Variants in NR6A1 observed in about 807,000 individuals in gnomAD.
NR6A1 encodes nuclear receptor subfamily 6 group A member 1, also known as retinoic acid receptor-related testis-associated receptor.
Under a neutral mutation model 59.1 loss-of-function variants are expected in NR6A1, and 7 were observed. The ratio of observed to expected loss-of-function variants is 0.12; its 90% confidence interval spans 0.07 to 0.22. The LOEUF is 0.22. Among genes scored for constraint, NR6A1 ranks in the 10% least tolerant of loss-of-function variants. The pLI is 1.00. For missense variants in NR6A1, 468 were observed against 611.6 expected (o/e 0.77, Z 2.48); for synonymous variants, 243 against 236.1 (o/e 1.03, Z -0.27).
At chr9:124,657,959 C>G (rs1201760863) in intron 2 of NR6A1, among the ~76,000 whole-genome samples, 1 of 152,122 alleles carries the variant, frequency 6.6e-6, no homozygotes, top group African/African-American at 2.4e-5. Flanking sequence ...TTTACCTTAT[C>G]AAACCTATAA....
chr9:124,670,257 T>C (rs1397500415), intron 2 of NR6A1, among the ~76,000 whole-genome samples: 3 of 150,520 alleles, frequency 2.0e-5, no homozygotes, highest in Middle Eastern at 3.5e-3. Context: ...CCAGCTGTGA[T>C]GGCACATGCC....
chr9:124,631,951 G>A (rs920189729), intron 2 of NR6A1, among the ~76,000 whole-genome samples: 2 of 152,126 alleles, frequency 1.3e-5, no homozygotes, highest in African/African-American at 4.8e-5. Context: ...AGTTTACTAA[G>A]GATAATGGCC....
At chr9:124,554,233 T>A (rs1833867267) in intron 3 of NR6A1, 95 bp downstream of exon 3, 1 of 1,569,200 alleles carries the variant, frequency 6.4e-7, no homozygotes, top group Middle Eastern at 2.1e-4. Context: ...GCCTGATATG[T>A]AGTGCAAGCT....
intron 2 of NR6A1, 103 bp from the exon 3 acceptor site, chr9:124,554,673 C>A: frequency 6.8e-7 from 1 of 1,479,366 alleles, no homozygotes; most frequent in Non-Finnish European, 9.2e-7. Context: ...ACCACTATCT[C>A]CAGGCTAAAG....
chr9:124,564,451 T>C (rs935001883), intron 2 of NR6A1, among the ~76,000 whole-genome samples: 67 of 152,182 alleles, frequency 4.4e-4, no homozygotes, highest in Non-Finnish European at 1.8e-4. Flanking sequence ...TTTTAAAAGA[T>C]GCCGTTTACA....
At chr9:124,588,560 G>A (rs561038000) in intron 2 of NR6A1, among the ~76,000 whole-genome samples, 3 of 149,598 alleles carry the variant, frequency 2.0e-5, no homozygotes, top group South Asian at 2.1e-4. Context: ...CACCCGCTTC[G>A]GCCTCCCAAG....
intron 2 of NR6A1, among the ~76,000 whole-genome samples, chr9:124,722,369 A>C (rs539282251): frequency 7.2e-5 from 11 of 152,316 alleles, no homozygotes; most frequent in African/African-American, 2.6e-4. Flanking sequence ...CTCTGCAGAC[A>C]TTTGGGCTTA....
intron 2 of NR6A1, among the ~76,000 whole-genome samples, chr9:124,686,672 G>A (rs184487313): frequency 6.6e-6 from 1 of 152,038 alleles, no homozygotes; most frequent in East Asian, 1.9e-4. Context: ...CTGCAACAAG[G>A]GGATGGAGAA....
chr9:124,525,117 C>T (rs542256843), intron 8 of NR6A1, among the ~76,000 whole-genome samples: 1 of 152,276 alleles, frequency 6.6e-6, no homozygotes, highest in African/African-American at 2.4e-5. Flanking sequence ...TAAGGCTTCT[C>T]TCAACTTCAT....
chr9:124,669,381 ATACT>A (rs1198410182), intron 2 of NR6A1, among the ~76,000 whole-genome samples: 4 of 152,248 alleles, frequency 2.6e-5, no homozygotes, highest in African/African-American at 9.6e-5. Flanking sequence ...TATTCAACAA[ATACT>A]TACTGAACAA....
chr9:124,539,072 AACGACAACAACAAAAAAAG>A (rs1235320629), intron 5 of NR6A1, among the ~76,000 whole-genome samples: 19 of 152,080 alleles, frequency 1.2e-4, no homozygotes, highest in Non-Finnish European at 2.6e-4. Context: ...TTTAATTAAC[AACGACAACAACAAAAAAAG>A]ACAGAGTCTT....
intron 2 of NR6A1, among the ~76,000 whole-genome samples, chr9:124,634,812 ACT>A (rs980976812): frequency 2.6e-5 from 4 of 151,898 alleles, no homozygotes; most frequent in African/African-American, 4.8e-5. Flanking sequence ...ACAGAGCAAG[ACT>A]CTCTCAAAAA....
intron 2 of NR6A1, among the ~76,000 whole-genome samples, chr9:124,638,150 G>A (rs1428540748): frequency 2.0e-5 from 3 of 151,830 alleles, no homozygotes; most frequent in Non-Finnish European, 4.4e-5. Flanking sequence ...TAGCTACTCA[G>A]GAGGCTAAAG....
intron 2 of NR6A1, among the ~76,000 whole-genome samples, chr9:124,686,866 G>C (rs2131008510): frequency 6.6e-6 from 1 of 152,008 alleles, no homozygotes; most frequent in African/African-American, 2.4e-5. Flanking sequence ...GCCACGCTCA[G>C]CTAATTTTTT....
At chr9:124,649,584 C>CA (rs1837038404) in intron 2 of NR6A1, among the ~76,000 whole-genome samples, 1 of 152,066 alleles carries the variant, frequency 6.6e-6, no homozygotes, top group African/African-American at 2.4e-5. Flanking sequence ...GCACAGGCAA[C>CA]AAAAGCAGAA....
chr9:124,762,587 A>G (rs1476672870), intron 1 of NR6A1, among the ~76,000 whole-genome samples: 1 of 152,214 alleles, frequency 6.6e-6, no homozygotes, highest in African/African-American at 2.4e-5. Flanking sequence ...CCAAAACTCA[A>G]TTAAGTGGTA....
At chr9:124,587,461 C>T (rs2131477596) in intron 2 of NR6A1, among the ~76,000 whole-genome samples, 1 of 152,320 alleles carries the variant, frequency 6.6e-6, no homozygotes, top group African/African-American at 2.4e-5. Flanking sequence ...CAGTAATCAG[C>T]TCCCTAGGTC....
At chr9:124,534,657 C>T (rs183262817) in intron 7 of NR6A1, among the ~76,000 whole-genome samples, 2 of 152,180 alleles carry the variant, frequency 1.3e-5, no homozygotes, top group African/African-American at 4.8e-5. Context: ...ACATCTCAGA[C>T]GGAGTCAAAG....
At chr9:124,755,523 G>T (rs937140626) in intron 1 of NR6A1, among the ~76,000 whole-genome samples, 15 of 152,076 alleles carry the variant, frequency 9.9e-5, no homozygotes, top group African/African-American at 2.7e-4. Flanking sequence ...ACTCTTCAGG[G>T]ATTTATCACA....
Sources: allele counts gnomAD v4.1 joint callset (sites outside exome capture counted in the v4.1 genomes callset), GRCh38; gene constraint gnomAD v4.1.1; transcripts MANE v1.5; gene names NCBI Gene and HGNC (gene_info 2026-07-23, HGNC 2026-07-21).